C12orf54: variants seen among roughly 807,000 people sequenced by gnomAD.
C12orf54 encodes the protein uncharacterized protein C12orf54.
Under a neutral mutation model 26.4 loss-of-function variants are expected in C12orf54, and 24 were observed. That is an observed-to-expected ratio of 0.91 (90% confidence interval 0.66 to 1.28). The LOEUF is 1.28. Ranked by LOEUF, C12orf54 falls within the 50% of genes most tolerant of loss-of-function variation. The probability of loss-of-function intolerance (pLI) is 0.00; values close to 1 mark genes in which losing one functional copy is unlikely to be tolerated. For synonymous variants in C12orf54, 54 were observed against 47.0 expected, an observed-to-expected ratio of 1.15 and a Z score of -0.61; for missense variants, 154 against 150.9, an observed-to-expected ratio of 1.02 and a Z score of -0.11.
intron 5 of C12orf54, 112 bp from the exon 6 acceptor site, chr12:48,490,700 A>G: frequency 8.0e-7 from 1 of 1,246,474 alleles, no homozygotes. Flanking sequence ...CAAGAAGCCC[A>G]TATTTTCCCA....
the C12orf54 span, among the ~76,000 whole-genome samples, chr12:48,441,140 A>G: frequency 6.6e-6 from 1 of 152,246 alleles, no homozygotes; most frequent in East Asian, 1.9e-4. Flanking sequence ...TAAATTGCTT[A>G]ACACAGTGCC....
upstream of C12orf54, among the ~76,000 whole-genome samples, chr12:48,478,008 G>C (rs1045087839): frequency 5.9e-5 from 9 of 152,100 alleles, no homozygotes; most frequent in African/African-American, 2.2e-4. Context: ...ATAAAATACT[G>C]GCAAACCGAA....
At chr12:48,416,346 C>A in the C12orf54 span, among the ~76,000 whole-genome samples, 10 of 152,338 alleles carry the variant, frequency 6.6e-5, no homozygotes, top group Admixed American at 3.3e-4. Flanking sequence ...GAGCTTCAGT[C>A]ATACAGCCTT....
chr12:48,445,199 G>A, the C12orf54 span, among the ~76,000 whole-genome samples: 1 of 151,924 alleles, frequency 6.6e-6, no homozygotes, highest in Non-Finnish European at 1.5e-5. Flanking sequence ...ATACATTGAT[G>A]AACGGATGAG....
At chr12:48,416,707 C>G in the C12orf54 span, among the ~76,000 whole-genome samples, 1 of 151,950 alleles carries the variant, frequency 6.6e-6, no homozygotes, top group African/African-American at 2.4e-5. Flanking sequence ...CCTAAAAATA[C>G]AAAAATTAGC....
At chr12:48,444,933 G>A in the C12orf54 span, among the ~76,000 whole-genome samples, 1 of 152,206 alleles carries the variant, frequency 6.6e-6, no homozygotes, top group South Asian at 2.1e-4. Context: ...AGCACTTTGG[G>A]AGGCCGAGGT....
intron 7 of C12orf54, among the ~76,000 whole-genome samples, chr12:48,493,653 C>T (rs1215817182): frequency 3.7e-5 from 3 of 80,864 alleles, no homozygotes; most frequent in Non-Finnish European, 8.6e-5. Flanking sequence ...AAAAGGGATC[C>T]GGGACTTAGA....
At chr12:48,447,385 T>A in the C12orf54 span, among the ~76,000 whole-genome samples, 16 of 152,130 alleles carry the variant, frequency 1.1e-4, no homozygotes, top group Admixed American at 9.8e-4. Context: ...TAGACTATGG[T>A]GTTTTGCTAT....
intron 6 of C12orf54, among the ~76,000 whole-genome samples, chr12:48,491,083 T>C (rs1054224532): frequency 6.6e-6 from 1 of 152,158 alleles, no homozygotes; most frequent in Non-Finnish European, 1.5e-5. Flanking sequence ...GCACTGCAAG[T>C]CTCTCCTCTG....
At chr12:48,442,590 G>C in the C12orf54 span, 2 of 161,618 alleles carry the variant, frequency 1.2e-5, no homozygotes, top group South Asian at 3.5e-4. Context: ...GCAACATAGC[G>C]GTCATAGGCC....
the C12orf54 span, among the ~76,000 whole-genome samples, chr12:48,435,459 T>C: frequency 6.6e-6 from 1 of 152,032 alleles, no homozygotes; most frequent in Admixed American, 6.6e-5. Context: ...CATATAATTG[T>C]CAGATTCATC....
chr12:48,427,084 CT>C, the C12orf54 span, among the ~76,000 whole-genome samples: 1 of 152,030 alleles, frequency 6.6e-6, no homozygotes, highest in Non-Finnish European at 1.5e-5. Context: ...TTTCTCTTGC[CT>C]GATTGGTGGA....
At chr12:48,488,417 T>C (rs1414030095) in intron 4 of C12orf54, 4 of 451,936 alleles carry the variant, frequency 8.9e-6, no homozygotes, top group Non-Finnish European at 4.2e-6. Context: ...GATTTGTTCA[T>C]GGATGTGGTC....
chr12:48,437,027 G>C, the C12orf54 span, among the ~76,000 whole-genome samples: 1 of 81,292 alleles, frequency 1.2e-5, no homozygotes, highest in East Asian at 4.0e-4. Flanking sequence ...ATAAAGAAGA[G>C]AGAAGAATCA....
intron 5 of C12orf54, among the ~76,000 whole-genome samples, chr12:48,489,603 G>C (rs1344946942): frequency 6.6e-6 from 1 of 152,054 alleles, no homozygotes; most frequent in Non-Finnish European, 1.5e-5. Flanking sequence ...TTTTTGTAGA[G>C]ACAGGGTTTC....
the C12orf54 span, among the ~76,000 whole-genome samples, chr12:48,451,127 T>C: frequency 1.9e-3 from 296 of 152,326 alleles, 3 homozygotes; most frequent in African/African-American, 6.8e-3. Flanking sequence ...TCAAAAAGTT[T>C]ATCTGCCATA....
chr12:48,467,005 C>G, the C12orf54 span, among the ~76,000 whole-genome samples: 2 of 152,104 alleles, frequency 1.3e-5, no homozygotes, highest in Non-Finnish European at 2.9e-5. Context: ...TACCCCTCCC[C>G]AACAGATGTT....
At chr12:48,458,630 T>G in the C12orf54 span, among the ~76,000 whole-genome samples, 10 of 152,306 alleles carry the variant, frequency 6.6e-5, no homozygotes, top group South Asian at 2.1e-3. Flanking sequence ...CATGGGTGTT[T>G]AATAAATGTT....
chr12:48,433,089 A>G, the C12orf54 span, among the ~76,000 whole-genome samples: 1 of 152,222 alleles, frequency 6.6e-6, no homozygotes, highest in Non-Finnish European at 1.5e-5. Flanking sequence ...AATTCACAAT[A>G]GGAACAAAAA....
Sources: gnomAD v4.1 joint callset for allele counts (sites outside exome capture counted in the v4.1 genomes callset) on GRCh38, gnomAD v4.1.1 for gene constraint, MANE v1.5 for transcripts, NCBI Gene and HGNC (gene_info 2026-07-23, HGNC 2026-07-21) for gene names.